Variants in GRM5 observed in about 807,000 individuals in gnomAD.
GRM5 encodes metabotropic glutamate receptor 5.
Under a neutral mutation model 83.1 loss-of-function variants are expected in GRM5, and 19 were observed. The ratio of observed to expected loss-of-function variants is 0.23; its 90% confidence interval spans 0.16 to 0.34. GRM5 has a LOEUF of 0.34. Ranked by LOEUF, GRM5 falls within the 10% of genes least tolerant of loss-of-function variation. The probability of loss-of-function intolerance (pLI) is 1.00; values close to 1 mark genes in which losing one functional copy is unlikely to be tolerated. For synonymous variants in GRM5, 675 were observed against 633.6 expected, an observed-to-expected ratio of 1.07 and a Z score of -0.98; for missense variants, 1,160 against 1,588.3, an observed-to-expected ratio of 0.73 and a Z score of 4.58.
chr11:88,764,844 T>C (rs1034637750), intron 3 of GRM5, among the ~76,000 whole-genome samples: 1 of 150,606 alleles, frequency 6.6e-6, no homozygotes. Flanking sequence ...ATAATGAAGA[T>C]TAGAGCACAT....
chr11:88,574,371 A>G (rs1161117196), intron 7 of GRM5, among the ~76,000 whole-genome samples: 2 of 152,146 alleles, frequency 1.3e-5, no homozygotes, highest in African/African-American at 4.8e-5. Context: ...TCAATTCACT[A>G]CACCTGAATT....
At chr11:88,874,347 C>G (rs1217566937) in intron 2 of GRM5, among the ~76,000 whole-genome samples, 1 of 151,812 alleles carries the variant, frequency 6.6e-6, no homozygotes, top group Admixed American at 6.6e-5. Context: ...AAGGGACAGT[C>G]TCCTTAATAA....
intron 3 of GRM5, among the ~76,000 whole-genome samples, chr11:88,804,831 G>A (rs934926218): frequency 2.0e-5 from 3 of 152,112 alleles, no homozygotes; most frequent in Non-Finnish European, 2.9e-5. Context: ...ACATAGGAGG[G>A]TGGCAGAGGA....
intron 3 of GRM5, among the ~76,000 whole-genome samples, chr11:88,843,388 C>T (rs535724190): frequency 7.9e-5 from 12 of 152,078 alleles, no homozygotes; most frequent in African/African-American, 2.7e-4. Flanking sequence ...GTATCCGTCA[C>T]CTCAGACATT....
chr11:88,592,588 A>G (rs1238949325), intron 6 of GRM5, among the ~76,000 whole-genome samples: 1 of 152,188 alleles, frequency 6.6e-6, no homozygotes, highest in Non-Finnish European at 1.5e-5. Context: ...TGTGAATTTC[A>G]GGTGTTTATT....
chr11:88,777,458 T>C (rs56273627), intron 3 of GRM5, among the ~76,000 whole-genome samples: 41,531 of 152,152 alleles, frequency 0.27, 6,855 homozygotes, highest in Non-Finnish European at 0.38. Context: ...AAAGTCATTC[T>C]ATGTCCAGCT....
chr11:88,521,107 C>T lies in GRM5; in HGVS notation c.2726+4202G>A, dbSNP rs567266827. Among the ~76,000 whole-genome samples the T allele has an allele frequency of 3.0e-4, 45 of 152,192 alleles. No individual in the cohort carries two copies. The South Asian group carries it at 6.2e-3, about 21-fold the overall frequency. On this transcript the variant is annotated intron_variant, in intron 9 of 9. Coordinates refer to ENST00000305447, the MANE Select transcript of GRM5 (RefSeq NM_001143831.3). The stretch of plus-strand genomic sequence containing the variant: ...GTCTTTGTTTCTCCTTCGTGGCCTA[C>T]ATCATGAGCACATCAGAAAGCAGAT...
chr11:89,034,217 G>T (rs1340204814), intron 2 of GRM5, among the ~76,000 whole-genome samples: 2 of 151,748 alleles, frequency 1.3e-5, no homozygotes, highest in Non-Finnish European at 3.0e-5. Flanking sequence ...GATATTAATG[G>T]TGTGCAACTC....
At chr11:88,706,238 T>A (rs1164955500) in intron 3 of GRM5, among the ~76,000 whole-genome samples, 1 of 152,090 alleles carries the variant, frequency 6.6e-6, no homozygotes, top group Non-Finnish European at 1.5e-5. Flanking sequence ...ATCTGTGATC[T>A]TTGAAGGTCC....
At chr11:89,009,912 A>AC (rs1940643015) in intron 2 of GRM5, among the ~76,000 whole-genome samples, 3 of 132,834 alleles carry the variant, frequency 2.3e-5, no homozygotes, top group African/African-American at 1.0e-4. Flanking sequence ...AAAAAAAAAA[A>AC]AAAAAAAAAA....
At chr11:88,730,613 C>G (rs1350083881) in intron 3 of GRM5, among the ~76,000 whole-genome samples, 1 of 152,062 alleles carries the variant, frequency 6.6e-6, no homozygotes, top group East Asian at 1.9e-4. Context: ...GACTTGGAAC[C>G]AACCGAAATG....
At chr11:88,820,025 C>T (rs1279317558) in intron 3 of GRM5, among the ~76,000 whole-genome samples, 2 of 152,102 alleles carry the variant, frequency 1.3e-5, no homozygotes, top group Non-Finnish European at 2.9e-5. Flanking sequence ...CCTCTCAACA[C>T]TGTTGTACTG....
chr11:88,771,773 C>A (rs1057100395), intron 3 of GRM5, among the ~76,000 whole-genome samples: 1 of 152,122 alleles, frequency 6.6e-6, no homozygotes, highest in African/African-American at 2.4e-5. Flanking sequence ...GAAATACACT[C>A]ATGGTTTTGA....
chr11:88,577,671 C>T (rs1943141219), intron 7 of GRM5, among the ~76,000 whole-genome samples: 1 of 152,042 alleles, frequency 6.6e-6, no homozygotes, highest in Non-Finnish European at 1.5e-5. Flanking sequence ...GTTAAGGAAA[C>T]TATTTTCTGT....
intron 9 of GRM5, among the ~76,000 whole-genome samples, chr11:88,514,679 AAAG>A (rs1381964400): frequency 6.6e-6 from 1 of 152,180 alleles, no homozygotes; most frequent in Non-Finnish European, 1.5e-5. Context: ...GTGGAAAAAA[AAAG>A]ACTTTGGGTT....
intron 2 of GRM5, among the ~76,000 whole-genome samples, chr11:88,863,462 G>A (rs904222356): frequency 4.6e-5 from 7 of 151,970 alleles, no homozygotes; most frequent in Admixed American, 4.6e-4. Flanking sequence ...TCCTTTGCAG[G>A]GACATGGACT....
intron 2 of GRM5, among the ~76,000 whole-genome samples, chr11:88,950,788 C>T (rs1284747850): frequency 1.3e-5 from 2 of 152,150 alleles, no homozygotes; most frequent in African/African-American, 2.4e-5. Flanking sequence ...GTAGCAAAAC[C>T]AGTTTTATTG....
intron 3 of GRM5, among the ~76,000 whole-genome samples, chr11:88,692,889 G>A (rs1197366660): frequency 1.3e-5 from 2 of 152,078 alleles, no homozygotes; most frequent in Non-Finnish European, 2.9e-5. Flanking sequence ...TAGTCAACGT[G>A]AGGAGAAACA....
chr11:88,776,544 T>C (rs1196574025), intron 3 of GRM5, among the ~76,000 whole-genome samples: 1 of 152,242 alleles, frequency 6.6e-6, no homozygotes, highest in Non-Finnish European at 1.5e-5. Flanking sequence ...CGATGGTCTT[T>C]ACAATTTGGC....
Sources: gnomAD v4.1 joint callset for allele counts (sites outside exome capture counted in the v4.1 genomes callset) on GRCh38, gnomAD v4.1.1 for gene constraint, MANE v1.5 for transcripts, NCBI Gene and HGNC (gene_info 2026-07-23, HGNC 2026-07-21) for gene names.